TP53BP2: variants seen among roughly 807,000 people sequenced by gnomAD.
TP53BP2 encodes the protein tumor protein p53 binding protein 2.
TP53BP2 carries 62 observed loss-of-function variants against 126.2 expected under a neutral mutation model. That is an observed-to-expected ratio of 0.49 (90% CI 0.40 to 0.61). TP53BP2 has a LOEUF of 0.61. Among genes scored for constraint, TP53BP2 ranks in the 20% least tolerant of loss-of-function variants. TP53BP2 has a pLI of 0.00. For missense variants in TP53BP2, 1,215 were observed against 1,402.8 expected, an observed-to-expected ratio of 0.87 and a Z score of 2.14; for synonymous variants, 485 against 502.9, an observed-to-expected ratio of 0.96 and a Z score of 0.48.
chr1:223,802,551 A>C (rs1662563307), intron 8 of TP53BP2, 180 bp downstream of exon 8: 2 of 868,776 alleles, frequency 2.3e-6, no homozygotes, highest in East Asian at 2.6e-5. Context: ...ACAGAGCTAC[A>C]CAGGTAATAA....
At chr1:223,830,198 AT>A (rs1328357308) in intron 1 of TP53BP2, among the ~76,000 whole-genome samples, 2 of 152,232 alleles carry the variant, frequency 1.3e-5, no homozygotes, top group Admixed American at 6.5e-5. Context: ...ATTTTAGAAT[AT>A]ATGGATAAGC....
rs1661925158 is a variant in TP53BP2, at chr1:223,785,617, G to A, written c.3164-1303C>T. On this transcript the variant is annotated intron_variant, in intron 16 of 17. Transcript: ENST00000343537. ...TGCCCAGGCTGGTATAGAATTCCTGGGCTCAGGAGATCCTCCCACTTCAGC... is the reference window on the plus strand; with the variant it reads ...TGCCCAGGCTGGTATAGAATTCCTGAGCTCAGGAGATCCTCCCACTTCAGC... Among the ~76,000 whole-genome samples, 3 of 152,132 alleles carry A rather than the reference G, an allele frequency of 2.0e-5. No individual in the cohort carries two copies. In the South Asian group the frequency reaches 6.2e-4, roughly 32 times the overall value.
In TP53BP2 at chr1:223,798,587, G is replaced by T; in HGVS notation, c.1576C>A (p.Pro526Thr). 1 of 1,614,160 alleles carries T rather than the reference G, an allele frequency of 6.2e-7. No homozygotes were observed. The highest frequency in any genetic ancestry group is 8.5e-7 in the Non-Finnish European group (1 of 1,180,010). Residue 526 changes from proline to threonine, a missense_variant, in exon 12 of 18, where the codon CCA becomes ACA. By Grantham distance (38) the Pro-to-Thr change is conservative. Coordinates refer to ENST00000343537, the MANE Select transcript of TP53BP2 (RefSeq NM_001031685.3). Reference sequence around the variant, plus strand: ...CCGTCTGGCTTAATGTCTGAAGGTGGCTGATTAGTTTGTCCAAAATAAGGC... The same window carrying T: ...CCGTCTGGCTTAATGTCTGAAGGTGTCTGATTAGTTTGTCCAAAATAAGGC... ...NLPYFGQTNQ[P>T]PSDIKPDGSS...
chr1:223,838,072 T>C (rs980931876), intron 1 of TP53BP2, among the ~76,000 whole-genome samples: 1 of 152,094 alleles, frequency 6.6e-6, no homozygotes, highest in African/African-American at 2.4e-5. Context: ...TCAGCTGAAA[T>C]GTCACTTCCT....
intron 9 of TP53BP2, among the ~76,000 whole-genome samples, chr1:223,801,052 T>C (rs1406921142): frequency 6.6e-6 from 1 of 152,234 alleles, no homozygotes; most frequent in African/African-American, 2.4e-5. Flanking sequence ...AGACACATTA[T>C]TCTTCACTGT....
At chr1:223,803,008 C>T (rs1662583286) in intron 7 of TP53BP2, 113 bp from the exon 8 acceptor site, 2 of 1,130,604 alleles carry the variant, frequency 1.8e-6, no homozygotes, top group Non-Finnish European at 2.5e-6. Flanking sequence ...GGTCCCTCCA[C>T]CCCTCCACAC....
At chr1:223,826,975 AAG>A (rs930864558) in intron 1 of TP53BP2, among the ~76,000 whole-genome samples, 18 of 152,298 alleles carry the variant, frequency 1.2e-4, no homozygotes, top group African/African-American at 3.6e-4. Flanking sequence ...GAGAGAAATT[AAG>A]AGTGACTCTG....
chr1:223,838,350 T>C (rs1233397417), intron 1 of TP53BP2, among the ~76,000 whole-genome samples: 1 of 152,168 alleles, frequency 6.6e-6, no homozygotes, highest in Admixed American at 6.5e-5. Context: ...AAATGGTTAA[T>C]GAGGGAGAAT....
Position 223,818,698 on chromosome 1 carries a change from C to T in TP53BP2, c.175+2522G>A, listed in dbSNP as rs573146360. Among the ~76,000 whole-genome samples, 8 of 151,144 alleles carry T rather than the reference C, an allele frequency of 5.3e-5. No individual in the cohort carries two copies. In the South Asian group the frequency reaches 8.4e-4, roughly 16 times the overall value. On this transcript the variant is annotated intron_variant, in intron 2 of 17. Transcript: ENST00000343537. Reference sequence around the variant, plus strand: ...CAAGGGATTCTCCTGCCTCAGCCTCCCCAGTAGCTGGGATTACAGGTGTCC... The same window carrying T: ...CAAGGGATTCTCCTGCCTCAGCCTCTCCAGTAGCTGGGATTACAGGTGTCC...
chr1:223,803,671 A>G (rs1029936144), intron 6 of TP53BP2, among the ~76,000 whole-genome samples: 1 of 152,250 alleles, frequency 6.6e-6, no homozygotes, highest in African/African-American at 2.4e-5. Flanking sequence ...CAGAATTTGC[A>G]TTAAAAATAT....
chr1:223,841,269 A>AAATAAATAAATAAATAAATGAATG (rs758647320), intron 1 of TP53BP2, among the ~76,000 whole-genome samples: 2 of 151,912 alleles, frequency 1.3e-5, no homozygotes, highest in African/African-American at 4.8e-5. Context: ...ATAAATAAAT[A>AAATAAATAAATAAATAAATGAATG]AAAGAAATAT....
At position 223,782,172 on chromosome 1, in the gene TP53BP2, CATGT is replaced by C. The variant is rs573709006; in HGVS notation, c.3364-1282_3364-1279del. ...AAAATGATGACCATGTGAGATGATG[CATGT>C]ATTATTTAGCTCAATTTAGCCATTT... On this transcript the variant is annotated intron_variant, in intron 17 of 17. Transcript: ENST00000343537. 2.8e-3 allele frequency among the ~76,000 whole-genome samples: 425 copies of C among 152,218 alleles called. 2 individuals carry two copies. Among genetic ancestry groups the C allele is most frequent in the African/African-American group, 9.8e-3 (409 of 41,548 alleles).
intron 2 of TP53BP2, among the ~76,000 whole-genome samples, chr1:223,820,853 C>A (rs1001765608): frequency 6.6e-6 from 1 of 152,234 alleles, no homozygotes; most frequent in African/African-American, 2.4e-5. Flanking sequence ...TTCCTCGACA[C>A]TGAGTAGCTT....
At chr1:223,823,308 T>G (rs541466319) in intron 1 of TP53BP2, among the ~76,000 whole-genome samples, 1 of 152,280 alleles carries the variant, frequency 6.6e-6, no homozygotes, top group East Asian at 1.9e-4. Flanking sequence ...GGAAACTGGC[T>G]AAGACATCAG....
intron 2 of TP53BP2, among the ~76,000 whole-genome samples, chr1:223,819,930 A>G (rs1663243286): frequency 6.6e-6 from 1 of 152,224 alleles, no homozygotes; most frequent in African/African-American, 2.4e-5. Flanking sequence ...ATTCTAGTGC[A>G]TATGTTTGGG....
At chr1:223,817,700 C>A (rs1290927437) in intron 2 of TP53BP2, among the ~76,000 whole-genome samples, 3 of 151,832 alleles carry the variant, frequency 2.0e-5, no homozygotes, top group African/African-American at 7.3e-5. Context: ...CTGAGGCAGG[C>A]GGATCACTTG....
At chr1:223,815,650 G>C (rs1663060093) in intron 2 of TP53BP2, among the ~76,000 whole-genome samples, 1 of 152,208 alleles carries the variant, frequency 6.6e-6, no homozygotes, top group Admixed American at 6.5e-5. Context: ...ATCAGGCATA[G>C]GCCTGCATAA....
intron 2 of TP53BP2, chr1:223,818,221 G>C (rs1663161065): frequency 6.6e-6 from 1 of 152,306 alleles, no homozygotes; most frequent in Non-Finnish European, 1.5e-5. Flanking sequence ...TTAAACACTA[G>C]AGGCTGATCG....
intron 1 of TP53BP2, among the ~76,000 whole-genome samples, chr1:223,825,026 AACAC>A (rs3058420): frequency 3.3e-4 from 47 of 143,542 alleles, no homozygotes; most frequent in South Asian, 1.8e-3. Context: ...TCCAACACCA[AACAC>A]ACACACACAC....
Sources: allele counts gnomAD v4.1 joint callset (sites outside exome capture counted in the v4.1 genomes callset), GRCh38; gene constraint gnomAD v4.1.1; transcripts MANE v1.5; gene names NCBI Gene and HGNC (gene_info 2026-07-23, HGNC 2026-07-21).